MBP: variants seen among roughly 807,000 people sequenced by gnomAD.
MBP encodes the protein myelin basic protein, also known as Golli-MBP.
Under a neutral mutation model 35.8 loss-of-function variants are expected in MBP, and 16 were observed. The observed-to-expected ratio is 0.45, with a 90% CI of 0.30 to 0.68. MBP has a LOEUF of 0.68. MBP is among the 30% of genes least tolerant of loss of function. The probability of loss-of-function intolerance (pLI) is 0.08; values close to 1 mark genes in which losing one functional copy is unlikely to be tolerated. For synonymous variants in MBP, 143 were observed against 159.6 expected, an observed-to-expected ratio of 0.90 and a Z score of 0.78; for missense variants, 380 against 404.7, an observed-to-expected ratio of 0.94 and a Z score of 0.52.
intron 3 of MBP, among the ~76,000 whole-genome samples, chr18:77,051,293 C>T (rs1973478551): frequency 6.6e-6 from 1 of 152,224 alleles, no homozygotes; most frequent in Non-Finnish European, 1.5e-5. Context: ...TTACCTTTCA[C>T]TTGCGGGCGA....
At chr18:77,121,735 GATTTAT>G (rs576359462) in intron 1 of MBP, among the ~76,000 whole-genome samples, 21 of 152,250 alleles carry the variant, frequency 1.4e-4, no homozygotes, top group Admixed American at 5.9e-4. Flanking sequence ...AAATACAATT[GATTTAT>G]ATTTATATTT....
Position 77,060,318 on chromosome 18 carries a change from C to G in MBP, c.139+5980G>C, listed in dbSNP as rs115145887. ...ATGAGTGTTTATGGCAGATGTGACCCAGGTCCTCAGAGGCACATGAAAAAT... is the reference window on the plus strand; with the variant it reads ...ATGAGTGTTTATGGCAGATGTGACCGAGGTCCTCAGAGGCACATGAAAAAT... On this transcript the variant is annotated intron_variant, in intron 3 of 8. Transcript: ENST00000355994. Among the ~76,000 whole-genome samples the G allele has an allele frequency of 3.8e-3, 582 of 152,256 alleles. 6 individuals are homozygous for G. Among genetic ancestry groups the G allele is most frequent in the African/African-American group, 0.013 (544 of 41,538 alleles).
At chr18:77,082,779 G>C (rs1239180705) in intron 2 of MBP, among the ~76,000 whole-genome samples, 2 of 137,538 alleles carry the variant, frequency 1.5e-5, no homozygotes, top group South Asian at 4.7e-4. Flanking sequence ...GGTGGTCTGG[G>C]GGACGCCATG....
At chr18:77,132,965 G>A (rs1418343580), upstream of MBP, 1 of 151,768 alleles carries the variant, frequency 6.6e-6, no homozygotes, top group Non-Finnish European at 1.5e-5. Context: ...CGGAACTTGG[G>A]GGGCGCACGG....
intron 4 of MBP, 186 bp downstream of exon 4, chr18:77,016,646 C>T (rs1300243875): frequency 2.3e-5 from 33 of 1,419,246 alleles, no homozygotes; most frequent in African/African-American, 2.9e-5. Flanking sequence ...GTGAGTTAAA[C>T]GAAAACGTCC....
intron 1 of MBP, chr18:77,109,306 T>A (rs1976375636): frequency 6.6e-6 from 1 of 152,222 alleles, no homozygotes; most frequent in South Asian, 2.1e-4. Context: ...CATCCTACAA[T>A]TGCCTGTCAA....
intron 3 of MBP, among the ~76,000 whole-genome samples, chr18:77,019,625 T>C (rs1971907301): frequency 6.6e-6 from 1 of 152,182 alleles, no homozygotes; most frequent in South Asian, 2.1e-4. Context: ...CCCCAGCATA[T>C]GGTAATTTGT....
At chr18:77,025,174 C>T (rs542966374) in intron 3 of MBP, among the ~76,000 whole-genome samples, 21 of 152,316 alleles carry the variant, frequency 1.4e-4, no homozygotes, top group African/African-American at 4.6e-4. Context: ...GAAACGCAGG[C>T]GATCCCCCAC....
At position 76,979,967 on chromosome 18, in the gene MBP, A is replaced by G; in HGVS notation, c.*460T>C. On this transcript the variant is annotated 3_prime_UTR_variant, in exon 9 of 9. Coordinates refer to ENST00000355994, the MANE Select transcript of MBP (RefSeq NM_001025101.2). Reference sequence around the variant, plus strand: ...GGAGGTGAGAGAAGGACAGGAAAAAAAAACAAAGGAAGCTTGGATGTCAAC... The same window carrying G: ...GGAGGTGAGAGAAGGACAGGAAAAAGAAACAAAGGAAGCTTGGATGTCAAC... 1 of 702,620 alleles carries G rather than the reference A, an allele frequency of 1.4e-6. No homozygotes were observed. 43.5% of individuals were successfully genotyped at this position (702,620 alleles called of 1,614,324 possible). A position where few individuals can be genotyped will look rare whatever the true frequency, so the allele number is the denominator to read the frequency against.
rs1471049518 is a variant in MBP, at chr18:76,980,064, G to T, written c.*363C>A. On this transcript the variant is annotated 3_prime_UTR_variant, in exon 9 of 9. Coordinates refer to ENST00000355994, the MANE Select transcript of MBP (RefSeq NM_001025101.2). ...CTCCATGGCAGTGACCAGCAAAAGC[G>T]CAAGGGTGCCGCAGCCACGGCGAAA... The T allele has an allele frequency of 1.4e-5, 10 of 700,922 alleles. No individual in the cohort carries two copies. The highest frequency in any genetic ancestry group is 5.2e-5 in the African/African-American group (3 of 57,166). The allele number at this position is 700,922 out of a possible 1,614,324, so 43.4% of individuals were successfully genotyped here. A position where few individuals can be genotyped will look rare whatever the true frequency, so the allele number is the denominator to read the frequency against.
rs371361297 is a variant in MBP at position 77,131,060 on chromosome 18, A to AAC, written c.-26+1518_-26+1519dup. 1.8e-4 allele frequency among the ~76,000 whole-genome samples: 22 copies of AAC among 120,188 alleles called. No homozygotes were observed. In the East Asian group the frequency reaches 4.5e-3, roughly 25 times the overall value. The allele number at this position is 120,188 out of a possible 152,430, so 78.8% of individuals were successfully genotyped here. A position where few individuals can be genotyped will look rare whatever the true frequency, so the allele number is the denominator to read the frequency against. ...AAAAAAACAAAACCTCAAAAAACAA[A>AAC]ACACACACACGCGCGCACGCACGCG... On this transcript the variant is annotated intron_variant, in intron 1 of 8. Coordinates refer to ENST00000355994, the MANE Select transcript of MBP (RefSeq NM_001025101.2). This position sits in a 1 kb window ranked among gnomAD's most constrained non-coding sequence, Gnocchi z 5.5.
intron 4 of MBP, chr18:77,013,342 C>T: frequency 1.0e-6 from 1 of 985,454 alleles, no homozygotes; most frequent in Non-Finnish European, 1.2e-6. Flanking sequence ...TGTGTTGCTG[C>T]TGCCTTCCGT....
Position 76,984,708 on chromosome 18 carries a change from C to T in MBP, c.870+67G>A. Reference sequence around the variant, plus strand: ...CAGAGGCGGCAGCCACCCTTGTACTCAGCTTAGTTGGGGATTCTGGGAGCC... The same window carrying T: ...CAGAGGCGGCAGCCACCCTTGTACTTAGCTTAGTTGGGGATTCTGGGAGCC... On this transcript the variant is annotated intron_variant, in intron 8 of 8. Transcript: ENST00000355994. 2.5e-6 allele frequency: 4 copies of T among 1,609,596 alleles called. No individual in the cohort carries two copies. In the South Asian group the frequency reaches 3.3e-5, roughly 13 times the overall value.
rs1385601389 is a variant in MBP, at chr18:76,989,857, C to T, written c.681+99G>A. ...CTCACCCTGATGATGACCCCGGTGC[C>T]ACCCCCGAGCGTACGAACGTCCTGT... On this transcript the variant is annotated intron_variant, in intron 5 of 8. Coordinates refer to ENST00000355994, the MANE Select transcript of MBP (RefSeq NM_001025101.2). This position sits in a 1 kb window ranked among gnomAD's most constrained non-coding sequence, Gnocchi z 4.0. 6.7e-6 allele frequency: 7 copies of T among 1,048,920 alleles called. No homozygotes were observed. The highest frequency in any genetic ancestry group is 1.0e-5 in the Non-Finnish European group (7 of 685,634). 65.0% of individuals were successfully genotyped at this position (1,048,920 alleles called of 1,614,324 possible). A position where few individuals can be genotyped will look rare whatever the true frequency, so the allele number is the denominator to read the frequency against.
intron 3 of MBP, among the ~76,000 whole-genome samples, chr18:77,036,402 C>T (rs12968671): frequency 7.9e-6 from 1 of 127,090 alleles, no homozygotes. Flanking sequence ...GCTCACGTTT[C>T]AGAGGACTGA....
At chr18:77,090,659 A>G (rs920202288) in intron 2 of MBP, among the ~76,000 whole-genome samples, 2 of 151,770 alleles carry the variant, frequency 1.3e-5, no homozygotes, top group African/African-American at 2.4e-5. Flanking sequence ...CTAACACCTC[A>G]CTTTGGACAC....
At chr18:77,090,374 C>T (rs151087031) in intron 2 of MBP, among the ~76,000 whole-genome samples, 47 of 149,996 alleles carry the variant, frequency 3.1e-4, no homozygotes, top group Non-Finnish European at 6.5e-4. Context: ...TACCAAACAA[C>T]ACTGTTTGGA....
At chr18:77,132,812 G>T (rs1328202502), upstream of MBP, 1 of 152,064 alleles carries the variant, frequency 6.6e-6, no homozygotes, top group Non-Finnish European at 1.5e-5. Flanking sequence ...GGACGGGCGC[G>T]CACCCAGCTC....
At chr18:76,980,601 A>T in intron 8 of MBP, 130 bp from the exon 9 acceptor site, 1 of 701,020 alleles carries the variant, frequency 1.4e-6, no homozygotes, top group South Asian at 1.6e-5. Context: ...TAGAAATGGC[A>T]CCCCGGAGAG....
Sources: allele counts gnomAD v4.1 joint callset (sites outside exome capture counted in the v4.1 genomes callset), GRCh38; gene constraint gnomAD v4.1.1; non-coding constraint Gnocchi (gnomAD v3.1); transcripts MANE v1.5; gene names NCBI Gene and HGNC (gene_info 2026-07-23, HGNC 2026-07-21).